ROBO2: variants seen among roughly 807,000 people sequenced by gnomAD.
ROBO2 encodes roundabout homolog 2.
ROBO2 carries 53 observed loss-of-function variants against 160.8 expected under a neutral mutation model. The ratio of observed to expected loss-of-function variants is 0.33; its 90% confidence interval spans 0.26 to 0.41. The LOEUF (loss-of-function observed/expected upper bound fraction) is 0.41. ROBO2 is among the 10% of genes least tolerant of loss of function. The pLI, the probability that ROBO2 is intolerant of heterozygous loss-of-function variation, is 1.00. For missense variants in ROBO2, 1,577 were observed against 1,722.4 expected, an observed-to-expected ratio of 0.92 and a Z score of 1.49; for synonymous variants, 664 against 611.7, an observed-to-expected ratio of 1.09 and a Z score of -1.26.
intron 2 of ROBO2, among the ~76,000 whole-genome samples, chr3:77,415,701 G>A (rs1475944325): frequency 6.6e-6 from 1 of 151,996 alleles, no homozygotes; most frequent in African/African-American, 2.4e-5. Context: ...TTTTGCTTTG[G>A]GCACCAGCAT....
intron 2 of ROBO2, among the ~76,000 whole-genome samples, chr3:77,431,589 C>A (rs1300356075): frequency 2.0e-5 from 3 of 152,102 alleles, no homozygotes; most frequent in Non-Finnish European, 4.4e-5. Flanking sequence ...CTGAGCCCTC[C>A]CAAAGCAGAA....
At chr3:76,890,933 T>TTTG (rs2074299136) in intron 2 of ROBO2, among the ~76,000 whole-genome samples, 1 of 152,136 alleles carries the variant, frequency 6.6e-6, no homozygotes, top group African/African-American at 2.4e-5. Context: ...AAGAATGATG[T>TTTG]TTGTTGAAGG....
At chr3:76,397,511 A>G (rs1186910868) in intron 2 of ROBO2, among the ~76,000 whole-genome samples, 1 of 151,900 alleles carries the variant, frequency 6.6e-6, no homozygotes, top group Non-Finnish European at 1.5e-5. Flanking sequence ...GCACAGCAAA[A>G]GAAACTACCA....
chr3:77,234,518 T>C (rs1050583862), intron 2 of ROBO2, among the ~76,000 whole-genome samples: 2 of 152,194 alleles, frequency 1.3e-5, no homozygotes, highest in Non-Finnish European at 2.9e-5. Flanking sequence ...TGCTTTTTTT[T>C]CAGCAATCCT....
At chr3:77,339,073 T>C (rs1186236338) in intron 2 of ROBO2, among the ~76,000 whole-genome samples, 1 of 152,142 alleles carries the variant, frequency 6.6e-6, no homozygotes, top group Non-Finnish European at 1.5e-5. Flanking sequence ...TTATTTTCTT[T>C]TTAGTTAATT....
At chr3:76,542,519 G>C (rs2082875748) in intron 2 of ROBO2, among the ~76,000 whole-genome samples, 1 of 152,100 alleles carries the variant, frequency 6.6e-6, no homozygotes, top group Non-Finnish European at 1.5e-5. Context: ...CTTAGGTATG[G>C]ATGTTTTTGC....
At chr3:77,081,675 A>G (rs989213963) in intron 1 of ROBO2, among the ~76,000 whole-genome samples, 4 of 152,196 alleles carry the variant, frequency 2.6e-5, no homozygotes, top group Non-Finnish European at 5.9e-5. Context: ...AAAGTGTGTT[A>G]AGTATTGTAA....
intron 2 of ROBO2, among the ~76,000 whole-genome samples, chr3:77,207,034 A>G (rs1475643890): frequency 6.6e-6 from 1 of 152,198 alleles, no homozygotes; most frequent in Non-Finnish European, 1.5e-5. Context: ...AACATTTTGT[A>G]CCTATAAACT....
chr3:76,003,837 G>A (rs2065951714), intron 2 of ROBO2, among the ~76,000 whole-genome samples: 1 of 152,182 alleles, frequency 6.6e-6, no homozygotes, highest in African/African-American at 2.4e-5. Flanking sequence ...CTGAAAATTT[G>A]CTTAACACCA....
chr3:77,209,712 C>A (rs2083879269), intron 2 of ROBO2, among the ~76,000 whole-genome samples: 1 of 152,142 alleles, frequency 6.6e-6, no homozygotes, highest in Non-Finnish European at 1.5e-5. Flanking sequence ...AGTTAGTTTC[C>A]TAATCTACAA....
intron 2 of ROBO2, among the ~76,000 whole-genome samples, chr3:77,280,692 G>T (rs1367066361): frequency 6.6e-6 from 1 of 152,126 alleles, no homozygotes; most frequent in African/African-American, 2.4e-5. Context: ...TGTATTTTAG[G>T]TTCTTTCACT....
intron 2 of ROBO2, among the ~76,000 whole-genome samples, chr3:76,150,655 C>G (rs951974333): frequency 1.3e-5 from 2 of 152,172 alleles, no homozygotes; most frequent in Non-Finnish European, 2.9e-5. Context: ...TTAATATTCA[C>G]TCAAATATCA....
chr3:77,248,505 C>T (rs1031998146), intron 2 of ROBO2, among the ~76,000 whole-genome samples: 2 of 152,180 alleles, frequency 1.3e-5, no homozygotes, highest in Non-Finnish European at 2.9e-5. Flanking sequence ...TGTCATACTC[C>T]GTCTGGGGCT....
chr3:75,998,571 CTAAG>C (rs1170278762), intron 2 of ROBO2, among the ~76,000 whole-genome samples: 3 of 152,034 alleles, frequency 2.0e-5, no homozygotes, highest in Non-Finnish European at 4.4e-5. Context: ...GAAATATATC[CTAAG>C]TATTTATATG....
chr3:76,727,576 T>A (rs1420236973), intron 2 of ROBO2, among the ~76,000 whole-genome samples: 1 of 152,202 alleles, frequency 6.6e-6, no homozygotes, highest in Admixed American at 6.5e-5. Context: ...TAAAAAAGAA[T>A]GAAATTCTGG....
chr3:77,605,054 T>C (rs1033300863), intron 20 of ROBO2, among the ~76,000 whole-genome samples: 2 of 151,642 alleles, frequency 1.3e-5, no homozygotes, highest in South Asian at 4.2e-4. Flanking sequence ...TATTCCCAGC[T>C]ACTTGAGAGT....
At chr3:76,403,032 A>G (rs1406204618) in intron 2 of ROBO2, among the ~76,000 whole-genome samples, 1 of 151,602 alleles carries the variant, frequency 6.6e-6, no homozygotes, top group East Asian at 1.9e-4. Flanking sequence ...GGGCCAATAA[A>G]TGTCTACTTG....
chr3:76,364,871 A>G (rs921530842), intron 2 of ROBO2, among the ~76,000 whole-genome samples: 1 of 152,088 alleles, frequency 6.6e-6, no homozygotes, highest in African/African-American at 2.4e-5. Flanking sequence ...AGGGCAACCT[A>G]CGGTGTAAAC....
chr3:76,787,943 C>T (rs1163239030), intron 2 of ROBO2, among the ~76,000 whole-genome samples: 3 of 151,346 alleles, frequency 2.0e-5, no homozygotes, highest in African/African-American at 7.3e-5. Flanking sequence ...TACCTAAGCA[C>T]CTGGGCAGCA....
Sources: gnomAD v4.1 joint callset for allele counts (sites outside exome capture counted in the v4.1 genomes callset) on GRCh38, gnomAD v4.1.1 for gene constraint, MANE v1.5 for transcripts, NCBI Gene and HGNC (gene_info 2026-07-23, HGNC 2026-07-21) for gene names.